Variants in DMD observed in about 807,000 individuals in gnomAD.
DMD encodes mutant dystrophin.
In DMD, 63 loss-of-function variants were observed where a neutral mutation model predicts 330.1. The ratio of observed to expected loss-of-function variants is 0.19; its 90% CI spans 0.16 to 0.24. The LOEUF (loss-of-function observed/expected upper bound fraction) is 0.24, where lower values mean the gene tolerates loss of function less well. Ranked by LOEUF, DMD falls within the 10% of genes least tolerant of loss-of-function variation. The pLI is 1.00. For synonymous variants in DMD, 1,223 were observed against 959.8 expected (o/e 1.27, Z -5.07); for missense variants, 3,344 against 2,684.1 (o/e 1.25, Z -5.43).
At chrX:33,173,669 T>C (rs1308582420) in intron 1 of DMD, among the ~76,000 whole-genome samples, 2 of 111,088 alleles carry the variant, frequency 1.8e-5, no homozygotes, top group African/African-American at 3.3e-5. Context: ...GATAACATTA[T>C]TACTGGAATT....
intron 9 of DMD, among the ~76,000 whole-genome samples, chrX:32,697,270 G>T (rs1376432104): frequency 1.8e-5 from 2 of 111,491 alleles, no homozygotes; most frequent in Non-Finnish European, 3.8e-5. Context: ...CATATAGAAA[G>T]TACTAAACAT....
chrX:32,129,734 A>AGG, intron 44 of DMD, among the ~76,000 whole-genome samples: 2 of 106,681 alleles, frequency 1.9e-5, no homozygotes, highest in South Asian at 8.5e-4. Flanking sequence ...GGAGGGAGAG[A>AGG]GAGAGAGAGA....
intron 1 of DMD, among the ~76,000 whole-genome samples, chrX:33,253,438 G>A (rs958120348): frequency 1.3e-4 from 14 of 111,282 alleles, no homozygotes; most frequent in Middle Eastern, 4.8e-3. Flanking sequence ...AATTTAAAGT[G>A]GAAGAATTTA....
At chrX:32,074,767 T>TA (rs1410795781) in intron 44 of DMD, among the ~76,000 whole-genome samples, 21 of 92,619 alleles carry the variant, frequency 2.3e-4, no homozygotes, top group African/African-American at 1.0e-3. Flanking sequence ...TACAAGGAGG[T>TA]AAAAATAAAC....
chrX:32,140,698 A>G (rs1256983614), intron 44 of DMD, among the ~76,000 whole-genome samples: 2 of 111,652 alleles, frequency 1.8e-5, no homozygotes, highest in African/African-American at 6.5e-5. Context: ...CACTTCTTAC[A>G]TGGAAGCAGA....
At chrX:32,254,560 TAC>T (rs1401362169) in intron 43 of DMD, among the ~76,000 whole-genome samples, 2 of 112,210 alleles carry the variant, frequency 1.8e-5, no homozygotes, top group African/African-American at 6.5e-5. Flanking sequence ...TTTGTACATG[TAC>T]AGAGTCATAG....
intron 43 of DMD, among the ~76,000 whole-genome samples, chrX:32,252,776 A>G (rs2097275687): frequency 2.2e-5 from 1 of 44,848 alleles, no homozygotes; most frequent in African/African-American, 1.2e-4. Flanking sequence ...ATATATAAAT[A>G]TATATAAATA....
chrX:31,476,087 A>AT (rs757506223), intron 59 of DMD, among the ~76,000 whole-genome samples: 175 of 109,536 alleles, frequency 1.6e-3, no homozygotes, highest in Non-Finnish European at 2.7e-3. Flanking sequence ...TATATGTGAA[A>AT]TTTAAGTGTG....
intron 16 of DMD, among the ~76,000 whole-genome samples, chrX:32,556,647 C>T (rs780178722): frequency 9.0e-6 from 1 of 111,700 alleles, no homozygotes; most frequent in Non-Finnish European, 1.9e-5. Flanking sequence ...ACGAGTCAAA[C>T]TTCTTTTCTT....
chrX:32,468,863 A>G (rs1363358823), intron 22 of DMD, among the ~76,000 whole-genome samples, 153 bp from the exon 23 acceptor site: 1 of 111,699 alleles, frequency 9.0e-6, no homozygotes, highest in East Asian at 2.8e-4. Flanking sequence ...GTGGTAATTT[A>G]AATTTTACAT....
chrX:32,631,440 T>A lies in DMD; in HGVS notation c.1331+12692A>T, dbSNP rs1034141828. Reference sequence around the variant, plus strand: ...AGGGTAGCAATTTTTCCCTGGTGGGTTTGCAAGATCCTATATGTAAGCCAG... The same window carrying A: ...AGGGTAGCAATTTTTCCCTGGTGGGATTGCAAGATCCTATATGTAAGCCAG... On this transcript the variant is annotated intron_variant, in intron 11 of 78. Coordinates refer to ENST00000357033, the MANE Select transcript of DMD (RefSeq NM_004006.3). Among the ~76,000 whole-genome samples, 14 of 111,790 alleles carry A rather than the reference T, an allele frequency of 1.3e-4. No homozygotes were observed. In the South Asian group the frequency reaches 3.0e-3, roughly 24 times the overall value.
chrX:31,244,585 A>C (rs1405986967), intron 63 of DMD, among the ~76,000 whole-genome samples: 1 of 111,901 alleles, frequency 8.9e-6, no homozygotes, highest in Admixed American at 9.5e-5. Flanking sequence ...ATTTTTTTAC[A>C]AAAGTGGTAC....
chrX:33,066,693 C>T (rs1343657346), intron 1 of DMD, among the ~76,000 whole-genome samples: 1 of 110,453 alleles, frequency 9.1e-6, no homozygotes, highest in East Asian at 2.9e-4. Flanking sequence ...GCCTAAAGTT[C>T]TGCCAGGTTT....
intron 62 of DMD, among the ~76,000 whole-genome samples, chrX:31,312,075 G>A (rs2148187164): frequency 8.9e-6 from 1 of 112,111 alleles, no homozygotes; most frequent in African/African-American, 3.2e-5. Flanking sequence ...AACGCCAAAA[G>A]CAACTGCAAC....
intron 1 of DMD, among the ~76,000 whole-genome samples, chrX:33,069,508 T>C (rs1297675003): frequency 9.0e-6 from 1 of 111,655 alleles, no homozygotes; most frequent in Non-Finnish European, 1.9e-5. Context: ...GTTTCCTGAG[T>C]TCCTTCAAGC....
chrX:33,009,684 A>G (rs1328513337), intron 2 of DMD, among the ~76,000 whole-genome samples: 2 of 49,251 alleles, frequency 4.1e-5, no homozygotes, highest in African/African-American at 5.9e-5. Context: ...GTATATGTGT[A>G]TATGCACATA....
chrX:32,704,571 AG>A (rs778406901), intron 7 of DMD, among the ~76,000 whole-genome samples: 1 of 112,541 alleles, frequency 8.9e-6, no homozygotes, highest in Admixed American at 9.4e-5. Context: ...AAGATTTCAA[AG>A]ATAGCAGGTA....
At chrX:32,399,089 A>G (rs1214575847) in intron 30 of DMD, among the ~76,000 whole-genome samples, 1 of 112,258 alleles carries the variant, frequency 8.9e-6, no homozygotes, top group African/African-American at 3.2e-5. Flanking sequence ...TCAAATCAAA[A>G]TGGATTAAAT....
chrX:32,628,257 A>G (rs770582392), intron 11 of DMD, among the ~76,000 whole-genome samples: 5 of 14,798 alleles, frequency 3.4e-4, no homozygotes, highest in African/African-American at 1.3e-3. Flanking sequence ...CAGTTGTTTT[A>G]ATTTTTTTTT....
Sources: gnomAD v4.1 joint callset for allele counts (sites outside exome capture counted in the v4.1 genomes callset) on GRCh38, gnomAD v4.1.1 for gene constraint, MANE v1.5 for transcripts, NCBI Gene and HGNC (gene_info 2026-07-23, HGNC 2026-07-21) for gene names.